The following KCNB2 variants were observed in gnomAD, a reference collection of about 807,000 sequenced individuals.
KCNB2 encodes the protein potassium voltage-gated channel subfamily B member 2, also known as delayed rectifier potassium channel protein.
A neutral mutation model predicts 61.5 loss-of-function variants in KCNB2; 15 were observed. The observed-to-expected ratio is 0.24, with a 90% CI of 0.16 to 0.38. The LOEUF (loss-of-function observed/expected upper bound fraction) is 0.38. KCNB2 is among the 10% of genes least tolerant of loss of function. The probability of loss-of-function intolerance (pLI) is 1.00; values close to 1 mark genes in which losing one functional copy is unlikely to be tolerated. For missense variants in KCNB2, 828 were observed against 1,125.2 expected, an observed-to-expected ratio of 0.74 and a Z score of 3.78; for synonymous variants, 457 against 446.0, an observed-to-expected ratio of 1.02 and a Z score of -0.31.
chr8:72,897,684 C>T (rs1806014927), intron 2 of KCNB2, among the ~76,000 whole-genome samples: 1 of 152,138 alleles, frequency 6.6e-6, no homozygotes, highest in Non-Finnish European at 1.5e-5. Flanking sequence ...TAATTCATAA[C>T]TTCTGTTTCC....
chr8:72,874,538 G>A (rs930741128), intron 2 of KCNB2, among the ~76,000 whole-genome samples: 10 of 152,300 alleles, frequency 6.6e-5, no homozygotes, highest in Admixed American at 2.6e-4. Flanking sequence ...CCTGCCCTTC[G>A]GTAACTAACC....
intron 2 of KCNB2, among the ~76,000 whole-genome samples, chr8:72,929,314 C>A (rs1262504901): frequency 6.6e-6 from 1 of 152,172 alleles, no homozygotes; most frequent in Non-Finnish European, 1.5e-5. Context: ...AAACAGAAAT[C>A]AATACAACCA....
At chr8:72,616,158 G>A (rs1805616215) in intron 2 of KCNB2, among the ~76,000 whole-genome samples, 1 of 152,168 alleles carries the variant, frequency 6.6e-6, no homozygotes, top group Non-Finnish European at 1.5e-5. Context: ...TTCCTTTTGA[G>A]TTTGCACATT....
At chr8:72,786,734 C>T (rs1808850946) in intron 2 of KCNB2, among the ~76,000 whole-genome samples, 1 of 152,052 alleles carries the variant, frequency 6.6e-6, no homozygotes, top group African/African-American at 2.4e-5. Context: ...TTGCTTAATT[C>T]TGAATATTTC....
At chr8:72,706,682 G>A (rs927322407) in intron 2 of KCNB2, among the ~76,000 whole-genome samples, 2 of 152,086 alleles carry the variant, frequency 1.3e-5, no homozygotes, top group African/African-American at 4.8e-5. Context: ...TCTTTTCATT[G>A]TCTCACATAT....
chr8:72,909,996 C>A (rs3891709), intron 2 of KCNB2, among the ~76,000 whole-genome samples: 34,068 of 151,972 alleles, frequency 0.22, 4,098 homozygotes, highest in Admixed American at 0.29. Flanking sequence ...AGAGAGATCC[C>A]AATCATCTGT....
chr8:72,868,076 T>TA (rs1491337637), intron 2 of KCNB2, among the ~76,000 whole-genome samples: 1 of 127,682 alleles, frequency 7.8e-6, no homozygotes, highest in Non-Finnish European at 1.5e-5. Flanking sequence ...TTATTATTTA[T>TA]TTTTTTTTTT....
At chr8:72,552,618 T>C (rs1184910218) in intron 1 of KCNB2, among the ~76,000 whole-genome samples, 1 of 152,216 alleles carries the variant, frequency 6.6e-6, no homozygotes, top group Non-Finnish European at 1.5e-5. Flanking sequence ...GCCTCCAGTT[T>C]ACTGTATAAA....
intron 2 of KCNB2, among the ~76,000 whole-genome samples, chr8:72,704,797 A>ACC (rs1807192167): frequency 6.6e-6 from 1 of 152,052 alleles, no homozygotes; most frequent in African/African-American, 2.4e-5. Context: ...AGGTAACAAA[A>ACC]TCTGCAGATG....
chr8:72,669,100 C>A (rs1806522714), intron 2 of KCNB2, among the ~76,000 whole-genome samples: 1 of 152,136 alleles, frequency 6.6e-6, no homozygotes, highest in Admixed American at 6.6e-5. Context: ...TTTCTAGTTT[C>A]CATCTCTCCA....
At chr8:72,569,960 C>T (rs528621446) in intron 2 of KCNB2, among the ~76,000 whole-genome samples, 1 of 152,030 alleles carries the variant, frequency 6.6e-6, no homozygotes, top group Non-Finnish European at 1.5e-5. Flanking sequence ...TAACCTATAT[C>T]TAAAGTTAAG....
At chr8:72,764,810 G>A (rs976862933) in intron 2 of KCNB2, among the ~76,000 whole-genome samples, 33 of 152,096 alleles carry the variant, frequency 2.2e-4, no homozygotes, top group African/African-American at 7.7e-4. Flanking sequence ...CTAAGAGGCT[G>A]GCTTGTTTTC....
intron 2 of KCNB2, among the ~76,000 whole-genome samples, chr8:72,580,217 A>G (rs1028674626): frequency 6.6e-4 from 100 of 152,230 alleles, no homozygotes; most frequent in African/African-American, 2.4e-3. Context: ...GCTTGACAGC[A>G]GGTGAATTTA....
chr8:72,809,607 G>A (rs74416056), intron 2 of KCNB2, among the ~76,000 whole-genome samples: 3,358 of 152,184 alleles, frequency 0.022, 69 homozygotes, highest in African/African-American at 0.054. Flanking sequence ...CGAATCCATA[G>A]TGTTAATATT....
At chr8:72,860,718 A>T (rs911982142) in intron 2 of KCNB2, among the ~76,000 whole-genome samples, 1 of 152,228 alleles carries the variant, frequency 6.6e-6, no homozygotes, top group South Asian at 2.1e-4. Flanking sequence ...TAAGGAAATC[A>T]AGAGGCAAAA....
At chr8:72,575,780 G>T (rs2128979750) in intron 2 of KCNB2, among the ~76,000 whole-genome samples, 1 of 152,254 alleles carries the variant, frequency 6.6e-6, no homozygotes, top group Admixed American at 6.5e-5. Context: ...TAGAAGAAAT[G>T]TATTTTAAAT....
Position 72,567,837 on chromosome 8 carries a change from A to G in KCNB2, c.103A>G (p.Arg35Gly). ...CATTATCCGGAGCAAAACATGCTCC[A>G]GGAGAGTTAAGATCAATGTGGGGGG... ...VDIIRSKTCSRRVKINVGGLN... is the reference protein window; with the variant it reads ...VDIIRSKTCSGRVKINVGGLN... Residue 35 changes from arginine (R) to glycine (G), a missense_variant, in exon 2 of 3, where the codon AGG becomes GGG. Around this residue, in one of 4 missense-constraint regions of KCNB2, gnomAD observed 62 missense variants for 54.8 expected, o/e 1.13. Transcript: ENST00000523207. 1 of 1,614,072 alleles carries G rather than the reference A, an allele frequency of 6.2e-7. No homozygotes were observed. The highest frequency in any genetic ancestry group is 8.5e-7 in the Non-Finnish European group (1 of 1,179,988).
At chr8:72,611,698 G>A (rs1315137325) in intron 2 of KCNB2, among the ~76,000 whole-genome samples, 1 of 152,140 alleles carries the variant, frequency 6.6e-6, no homozygotes, top group Non-Finnish European at 1.5e-5. Flanking sequence ...CTATTTCATA[G>A]CACCTTTTAA....
At chr8:72,604,642 G>T (rs575410714) in intron 2 of KCNB2, among the ~76,000 whole-genome samples, 1 of 152,234 alleles carries the variant, frequency 6.6e-6, no homozygotes, top group Admixed American at 6.5e-5. Flanking sequence ...CATACTAGTT[G>T]CTCAAAAAGA....
Sources: allele counts gnomAD v4.1 joint callset (sites outside exome capture counted in the v4.1 genomes callset), GRCh38; gene constraint gnomAD v4.1.1; regional missense constraint gnomAD v4.1.1; transcripts MANE v1.5; gene names NCBI Gene and HGNC (gene_info 2026-07-23, HGNC 2026-07-21).